Variants in TMEM232 observed in about 807,000 individuals in gnomAD.
The protein encoded by TMEM232 is transmembrane protein 232.
A neutral mutation model predicts 78.8 loss-of-function variants in TMEM232; 80 were observed. The observed-to-expected ratio is 1.01, with a 90% CI of 0.85 to 1.22. The LOEUF is 1.22. Ranked by LOEUF, TMEM232 falls within the 50% of genes most tolerant of loss-of-function variation. The pLI is 0.00. For missense variants in TMEM232, 881 were observed against 742.2 expected (o/e 1.19, Z -2.17); for synonymous variants, 297 against 254.3 (o/e 1.17, Z -1.60).
In TMEM232 at chr5:110,558,392, C is replaced by T. The variant is rs906268150; in HGVS notation, c.1455+10055G>A. ...GAAAAGCTGTAGGTGACAGCATAAC[C>T]AGCAGAGCAGTAGGGGAAGGCTATA... On this transcript the variant is annotated intron_variant, in intron 11 of 13. Coordinates refer to ENST00000455884, the MANE Select transcript of TMEM232 (RefSeq NM_001039763.4). 2.0e-5 allele frequency among the ~76,000 whole-genome samples: 3 copies of T among 152,208 alleles called. No homozygotes were observed. The South Asian group carries it at 6.2e-4, about 32-fold the overall frequency.
chr5:110,689,328 A>G (rs1242316520), intron 1 of TMEM232, among the ~76,000 whole-genome samples: 1 of 152,210 alleles, frequency 6.6e-6, no homozygotes, highest in African/African-American at 2.4e-5. Context: ...GCATACATAT[A>G]TATGTTCATC....
intron 4 of TMEM232, among the ~76,000 whole-genome samples, chr5:110,388,497 G>C (rs1755062185): frequency 6.6e-6 from 1 of 152,146 alleles, no homozygotes; most frequent in Admixed American, 6.6e-5. Context: ...TTTGGGGGTT[G>C]CTTTTTATTA....
At chr5:110,703,957 A>G (rs919351588) in intron 1 of TMEM232, among the ~76,000 whole-genome samples, 29 of 152,064 alleles carry the variant, frequency 1.9e-4, no homozygotes, top group African/African-American at 5.8e-4. Flanking sequence ...AAAAACATCA[A>G]TTATCCCCCT....
rs1222410531 is a variant in TMEM232 at position 110,420,199 on chromosome 5, T to G, written c.*381A>C. 6.4e-6 allele frequency: 1 copy of G among 156,998 alleles called. No individual in the cohort carries two copies. Among genetic ancestry groups the G allele is most frequent in the Non-Finnish European group, 1.4e-5 (1 of 71,588 alleles). The allele number at this position is 156,998 out of a possible 1,614,324, so 9.7% of individuals were successfully genotyped here. ...CTGTTTTCAAGAAATAATTCTTATC[T>G]GGTGACCCATTAATTAATTTGTAAT... On this transcript the variant is annotated 3_prime_UTR_variant, in exon 14 of 14. Transcript: ENST00000455884.
At chr5:110,691,776 A>C (rs1794143810) in intron 1 of TMEM232, among the ~76,000 whole-genome samples, 1 of 152,228 alleles carries the variant, frequency 6.6e-6, no homozygotes, top group Non-Finnish European at 1.5e-5. Context: ...GCTTTATCTT[A>C]CATGTAATGT....
intron 10 of TMEM232, among the ~76,000 whole-genome samples, chr5:110,595,944 C>T (rs1024808611): frequency 9.9e-5 from 15 of 152,090 alleles, no homozygotes; most frequent in Middle Eastern, 3.4e-3. Flanking sequence ...AGATACTCCT[C>T]GAGAAGAGCA....
At chr5:110,476,781 G>T (rs138885322) in intron 12 of TMEM232, among the ~76,000 whole-genome samples, 147 of 152,100 alleles carry the variant, frequency 9.7e-4, no homozygotes, top group African/African-American at 2.7e-3. Context: ...TATGAATGGT[G>T]GGAGGAATGT....
chr5:110,565,023 G>A (rs779320130), intron 11 of TMEM232, among the ~76,000 whole-genome samples: 4 of 151,702 alleles, frequency 2.6e-5, no homozygotes, highest in Non-Finnish European at 2.9e-5. Flanking sequence ...TAATTTCATC[G>A]GTTTACTTCA....
chr5:110,406,621 G>A (rs1403185731), intron 2 of TMEM232, among the ~76,000 whole-genome samples: 1 of 152,022 alleles, frequency 6.6e-6, no homozygotes, highest in Admixed American at 6.6e-5. Context: ...TGCAAGAAAT[G>A]CTAAAGGGAG....
chr5:110,625,194 C>A, intron 7 of TMEM232, 73 bp downstream of exon 7: 1 of 1,337,950 alleles, frequency 7.5e-7, no homozygotes, highest in South Asian at 1.8e-5. Context: ...TTGATAAGCA[C>A]CATTACTTAA....
intron 1 of TMEM232, among the ~76,000 whole-genome samples, chr5:110,716,215 T>C (rs1200175951): frequency 6.6e-6 from 1 of 152,052 alleles, no homozygotes; most frequent in African/African-American, 2.4e-5. Context: ...CTTCAAATAT[T>C]TTACAGCAGG....
chr5:110,673,680 T>C (rs1791656978), intron 1 of TMEM232, among the ~76,000 whole-genome samples: 1 of 152,192 alleles, frequency 6.6e-6, no homozygotes, highest in Non-Finnish European at 1.5e-5. Context: ...GGCTCACTGT[T>C]GATTGCACTG....
chr5:110,605,212 T>C lies in TMEM232; in HGVS notation c.1173A>G (p.Ser391=). 1.9e-6 allele frequency: 3 copies of C among 1,551,170 alleles called. No individual in the cohort carries two copies. The highest frequency in any genetic ancestry group is 2.6e-6 in the Non-Finnish European group (3 of 1,146,692). Residue 391 remains serine, a synonymous_variant, in exon 10 of 14, where the codon TCA becomes TCG. Transcript: ENST00000455884. ...ALIGFCHCKS[S]QKNILYLDKS... is the part of the protein sequence containing the mutation. Reference sequence around the variant, plus strand: ...TGTCCAAGTATAAAATATTTTTTTGTGAACTTTTACAGTGACAGAAACCAA... The same window carrying C: ...TGTCCAAGTATAAAATATTTTTTTGCGAACTTTTACAGTGACAGAAACCAA...
chr5:110,563,433 G>GTA (rs1246701515), intron 11 of TMEM232, among the ~76,000 whole-genome samples: 2 of 151,772 alleles, frequency 1.3e-5, no homozygotes, highest in Non-Finnish European at 2.9e-5. Context: ...CTTAGTTATA[G>GTA]TATAATCCAT....
At chr5:110,516,562 C>T (rs1181665551) in intron 12 of TMEM232, among the ~76,000 whole-genome samples, 1 of 151,908 alleles carries the variant, frequency 6.6e-6, no homozygotes, top group Non-Finnish European at 1.5e-5. Flanking sequence ...TTTTGGTCTA[C>T]AACTTTTATG....
intron 12 of TMEM232, among the ~76,000 whole-genome samples, chr5:110,453,522 G>C (rs998560195): frequency 0.071 from 4 of 56 alleles, no homozygotes; most frequent in Admixed American, 0.17. Flanking sequence ...GGATGGTCTT[G>C]ATCTCCTGGA....
intron 1 of TMEM232, among the ~76,000 whole-genome samples, chr5:110,689,654 C>T (rs1793849682): frequency 6.6e-6 from 1 of 151,732 alleles, no homozygotes; most frequent in Non-Finnish European, 1.5e-5. Context: ...CATATGGAAC[C>T]AAAAAAAGGG....
intron 7 of TMEM232, among the ~76,000 whole-genome samples, chr5:110,623,931 T>C (rs976230642): frequency 6.6e-6 from 1 of 152,200 alleles, no homozygotes; most frequent in African/African-American, 2.4e-5. Context: ...TAAGCTGATA[T>C]GTCCCTTTCA....
chr5:110,430,476 T>G (rs1421180785), intron 12 of TMEM232, among the ~76,000 whole-genome samples: 1 of 151,634 alleles, frequency 6.6e-6, no homozygotes, highest in Non-Finnish European at 1.5e-5. Context: ...CAAGGTAAAG[T>G]TAAAATATAT....
Sources: gnomAD v4.1 joint callset for allele counts (sites outside exome capture counted in the v4.1 genomes callset) on GRCh38, gnomAD v4.1.1 for gene constraint, MANE v1.5 for transcripts, NCBI Gene and HGNC (gene_info 2026-07-23, HGNC 2026-07-21) for gene names.